Variants in USP28 observed in about 807,000 individuals in gnomAD.
USP28 encodes ubiquitin specific peptidase 28.
A neutral mutation model predicts 145.0 loss-of-function variants in USP28; 113 were observed. The observed-to-expected ratio is 0.78, with a 90% CI of 0.67 to 0.91. The LOEUF (loss-of-function observed/expected upper bound fraction) is 0.91, where lower values mean the gene tolerates loss of function less well. Ranked by LOEUF, USP28 falls within the 40% of genes least tolerant of loss-of-function variation. The probability of loss-of-function intolerance (pLI) is 0.00; values close to 1 mark genes in which losing one functional copy is unlikely to be tolerated. For synonymous variants in USP28, 447 were observed against 450.9 expected (o/e 0.99, Z 0.11); for missense variants, 1,201 against 1,289.6 (o/e 0.93, Z 1.05).
intron 1 of USP28, among the ~76,000 whole-genome samples, chr11:113,872,471 A>G (rs1300381763): frequency 6.7e-6 from 1 of 150,324 alleles, no homozygotes; most frequent in Non-Finnish European, 1.5e-5. Context: ...TGGGCAACAG[A>G]GCGAGACTCC....
chr11:113,829,116 T>C (rs905361999), intron 10 of USP28, 81 bp downstream of exon 10: 6 of 1,563,210 alleles, frequency 3.8e-6, no homozygotes, highest in Admixed American at 3.7e-5. Context: ...TAATATGTGA[T>C]GGGAAACTAG....
chr11:113,828,198 T>C (rs551238744), intron 10 of USP28, among the ~76,000 whole-genome samples: 1 of 152,358 alleles, frequency 6.6e-6, no homozygotes, highest in East Asian at 1.9e-4. Context: ...ATGAGGTGAA[T>C]TCACACAGCC....
chr11:113,828,936 A>G, intron 10 of USP28: 1 of 606,674 alleles, frequency 1.6e-6, no homozygotes, highest in South Asian at 1.5e-5. Context: ...ACAGAAAGAG[A>G]GAAACTTGAT....
chr11:113,826,302 G>GAAAGA (rs1199990048), intron 11 of USP28, among the ~76,000 whole-genome samples: 1 of 103,488 alleles, frequency 9.7e-6, no homozygotes, highest in Non-Finnish European at 2.0e-5. Flanking sequence ...AAAAAAGAAA[G>GAAAGA]AAAGAAAAGA....
intron 1 of USP28, among the ~76,000 whole-genome samples, chr11:113,863,504 G>C (rs924195775): frequency 6.6e-6 from 1 of 152,040 alleles, no homozygotes. Flanking sequence ...AATTAGTCGG[G>C]TGTGGTGGCG....
chr11:113,844,212 G>A (rs1469735791), intron 3 of USP28, among the ~76,000 whole-genome samples: 13 of 151,958 alleles, frequency 8.6e-5, no homozygotes, highest in Admixed American at 3.3e-4. Context: ...AGGCCCAGAC[G>A]GGTGGATCAC....
chr11:113,834,384 C>T (rs1944342889), intron 5 of USP28, 49 bp from the exon 6 acceptor site: 1 of 1,302,234 alleles, frequency 7.7e-7, no homozygotes, highest in African/African-American at 1.5e-5. Context: ...AAAATAACTG[C>T]AGCAACATAT....
chr11:113,840,798 T>A, intron 4 of USP28, 41 bp from the exon 5 acceptor site: 1 of 1,588,494 alleles, frequency 6.3e-7, no homozygotes, highest in Middle Eastern at 1.7e-4. Flanking sequence ...AAGAAAATAG[T>A]TAAAGAATAA....
chr11:113,805,148 CT>C (rs1939722808), intron 19 of USP28, 102 bp from the exon 21 acceptor site: 1 of 1,067,976 alleles, frequency 9.4e-7, no homozygotes, highest in Non-Finnish European at 1.3e-6. Flanking sequence ...TCTAAAAAGA[CT>C]TCTAAAAAAT....
chr11:113,830,968 T>C, intron 8 of USP28, 25 bp from the exon 9 acceptor site: 1 of 1,610,846 alleles, frequency 6.2e-7, no homozygotes. Context: ...AGGAGACAAT[T>C]CTGGATTGTT....
At chr11:113,874,949 G>C in intron 1 of USP28, 554 of 450,448 alleles carry the variant, frequency 1.2e-3, no homozygotes, top group Non-Finnish European at 1.5e-3. Context: ...GGGAGGGAGG[G>C]AAGTGGTGGT....
rs200689790 is a variant in USP28 at position 113,815,154 on chromosome 11, C to A, written c.1672+20G>T. ...AACAGAAAAAGCAAAGAGTAACTGA[C>A]AAATTTTAAAAGAGCCAACCTTGTA... On this transcript the variant is annotated intron_variant, in intron 14 of 24. Transcript: ENST00000003302. The A allele has an allele frequency of 4.5e-5, 72 of 1,607,486 alleles. No individual in the cohort carries two copies. In the Middle Eastern group the frequency reaches 5.0e-4, roughly 11 times the overall value.
intron 14 of USP28, among the ~76,000 whole-genome samples, chr11:113,814,571 A>C (rs1941441491): frequency 6.6e-6 from 1 of 152,174 alleles, no homozygotes; most frequent in Non-Finnish European, 1.5e-5. Context: ...GGTCAACTTA[A>C]GCTGGAGTTC....
chr11:113,814,608 C>T (rs1941444958), intron 14 of USP28, among the ~76,000 whole-genome samples: 1 of 151,802 alleles, frequency 6.6e-6, no homozygotes, highest in South Asian at 2.1e-4. Flanking sequence ...AAACAGAAAT[C>T]AGTTGATGCA....
chr11:113,859,533 A>G (rs541610283), intron 1 of USP28: 234 of 152,174 alleles, frequency 1.5e-3, no homozygotes, highest in African/African-American at 5.0e-3. Flanking sequence ...ATGCTATGAC[A>G]TGACCCAGTC....
intron 16 of USP28, among the ~76,000 whole-genome samples, chr11:113,810,306 C>G (rs1031861356): frequency 6.6e-6 from 1 of 152,136 alleles, no homozygotes; most frequent in African/African-American, 2.4e-5. Flanking sequence ...TCAATAATAC[C>G]TGGCTTTAAT....
chr11:113,803,922 T>A (rs763155363), intron 21 of USP28, 45 bp from the exon 23 acceptor site: 1 of 1,534,002 alleles, frequency 6.5e-7, no homozygotes. Context: ...CATAATAGAT[T>A]GTTAGTGTCC....
At chr11:113,856,021 C>A (rs1397735848) in intron 1 of USP28, among the ~76,000 whole-genome samples, 1 of 152,228 alleles carries the variant, frequency 6.6e-6, no homozygotes, top group Non-Finnish European at 1.5e-5. Context: ...GACCAGCAGA[C>A]TTTCACGCTA....
intron 18 of USP28, 140 bp from the exon 20 acceptor site, chr11:113,806,724 T>C (rs1940043726): frequency 1.8e-6 from 1 of 549,292 alleles, no homozygotes; most frequent in Non-Finnish European, 3.2e-6. Context: ...GCAAGCTGAG[T>C]TTCACACACC....
Sources: gnomAD v4.1 joint callset for allele counts (sites outside exome capture counted in the v4.1 genomes callset) on GRCh38, gnomAD v4.1.1 for gene constraint, MANE v1.5 for transcripts, NCBI Gene and HGNC (gene_info 2026-07-23, HGNC 2026-07-21) for gene names.